FYCO1: variants seen among roughly 807,000 people sequenced by gnomAD.
The protein encoded by FYCO1 is FYVE and coiled-coil domain-containing protein 1.
A neutral mutation model predicts 165.1 loss-of-function variants in FYCO1; 122 were observed. That is an observed-to-expected ratio of 0.74 (90% CI 0.64 to 0.86). The LOEUF is 0.86. Ranked by LOEUF, FYCO1 falls within the 40% of genes least tolerant of loss-of-function variation. The pLI is 0.00. For synonymous variants in FYCO1, 648 were observed against 742.5 expected (o/e 0.87, Z 2.07); for missense variants, 1,702 against 1,810.3 (o/e 0.94, Z 1.09).
At position 45,966,243 on chromosome 3, in the gene FYCO1, G is replaced by A. The variant is rs375746676; in HGVS notation, c.3057+34C>T. On this transcript the variant is annotated intron_variant, in intron 8 of 17. Coordinates refer to ENST00000296137, the MANE Select transcript of FYCO1 (RefSeq NM_024513.4). ...GACCCACCAGGCCTGCCCAGGGAGA[G>A]GGGTAGAGCCCAAGTGGTTGAAGCT... 782 of 1,607,874 alleles carry A rather than the reference G, an allele frequency of 4.9e-4. 10 individuals are homozygous for A. The South Asian group carries it at 8.0e-3, about 16-fold the overall frequency.
chr3:45,969,199 T>C (rs550676947), intron 7 of FYCO1, among the ~76,000 whole-genome samples: 2 of 152,228 alleles, frequency 1.3e-5, no homozygotes, highest in South Asian at 4.1e-4. Flanking sequence ...TTCACATTTC[T>C]AAAAAAAATT....
rs1453437203 is a variant in FYCO1, at chr3:45,973,250, A to G, written c.396-19T>C. On this transcript the variant is annotated intron_variant, in intron 5 of 17. Transcript: ENST00000296137. ...CCAGTCACTGCAGAAAAACATGTCA[A>G]TTATAAGAGTAATAAAGATAAAGTA... is the stretch of plus-strand genomic sequence containing the variant. The G allele has an allele frequency of 4.3e-6, 7 of 1,612,716 alleles. No individual in the cohort carries two copies. The South Asian group carries it at 4.4e-5, about 10-fold the overall frequency.
intron 1 of FYCO1, among the ~76,000 whole-genome samples, chr3:45,990,561 A>T (rs150675568): frequency 6.6e-6 from 1 of 152,060 alleles, no homozygotes; most frequent in Admixed American, 6.5e-5. Context: ...TTGAATCTCT[A>T]TTCTTTCCAC....
chr3:45,952,691 G>A (rs914342146), intron 14 of FYCO1, among the ~76,000 whole-genome samples: 4 of 151,678 alleles, frequency 2.6e-5, no homozygotes, highest in African/African-American at 7.2e-5. Context: ...GTTCCTACTG[G>A]GCAGGGGAAG....
At chr3:45,933,858 C>CA (rs901326469) in intron 15 of FYCO1, among the ~76,000 whole-genome samples, 4 of 151,002 alleles carry the variant, frequency 2.6e-5, no homozygotes, top group Admixed American at 6.6e-5. Context: ...AAGCAGCCAT[C>CA]AAAAAAAATG....
intron 1 of FYCO1, among the ~76,000 whole-genome samples, chr3:45,986,880 C>T (rs918059169): frequency 1.3e-4 from 20 of 152,166 alleles, no homozygotes; most frequent in Admixed American, 7.2e-4. Flanking sequence ...CAGCACATTC[C>T]GTCAAGTGTC....
intron 7 of FYCO1, 84 bp downstream of exon 7, chr3:45,969,591 G>C: frequency 9.5e-7 from 1 of 1,049,958 alleles, no homozygotes; most frequent in Non-Finnish European, 1.5e-6. Context: ...GGGCATCTGA[G>C]AACATCACCC....
At position 45,966,773 on chromosome 3, in the gene FYCO1, GC is replaced by G; in HGVS notation, c.2560del (p.Ala854HisfsTer62). The G allele has an allele frequency of 1.2e-6, 2 of 1,609,860 alleles. No individual in the cohort carries two copies. The highest frequency in any genetic ancestry group is 1.7e-6 in the Non-Finnish European group (2 of 1,179,982). ...ELLQCSEREG[A>X]LQEERADEAQ... ...CTCATCGGCCCTCTCCTCCTGCAGT[GC>G]CCCTTCACGCTCCGAGCATTGCAGC... On this transcript the variant is annotated frameshift_variant, in exon 8 of 18. Transcript: ENST00000296137. LOFTEE classifies it high-confidence loss of function.
intron 3 of FYCO1, among the ~76,000 whole-genome samples, chr3:45,981,011 C>T (rs1707022413): frequency 6.6e-6 from 1 of 152,086 alleles, no homozygotes; most frequent in Non-Finnish European, 1.5e-5. Flanking sequence ...TGGGCTGACC[C>T]CAGAGATTCT....
In FYCO1 at chr3:45,968,053, T is replaced by C; in HGVS notation, c.1281A>G (p.Gln427=). ...VEEVNRQQSA[Q]LEQLVKELQL... ...GAAGCTCCTTGACCAGCTGTTCCAGTTGGGCACTCTGCTGTCTGTTGACCT... is the reference window on the plus strand; with the variant it reads ...GAAGCTCCTTGACCAGCTGTTCCAGCTGGGCACTCTGCTGTCTGTTGACCT... Residue 427 remains glutamine, a synonymous_variant, in exon 8 of 18, where the codon CAA becomes CAG. Coordinates refer to ENST00000296137, the MANE Select transcript of FYCO1 (RefSeq NM_024513.4). The C allele has an allele frequency of 1.2e-6, 2 of 1,614,124 alleles. No individual in the cohort carries two copies. Among genetic ancestry groups the C allele is most frequent in the East Asian group, 2.2e-5 (1 of 44,866 alleles).
intron 4 of FYCO1, among the ~76,000 whole-genome samples, chr3:45,977,591 TA>T (rs1370728083): frequency 6.6e-6 from 1 of 151,620 alleles, no homozygotes; most frequent in Non-Finnish European, 1.5e-5. Flanking sequence ...AGAGAAGCAA[TA>T]CAATGGCAGC....
Position 45,950,869 on chromosome 3 carries a change from C to T in FYCO1, c.3944+4380G>A, listed in dbSNP as rs148913435. Reference sequence around the variant, plus strand: ...GGCAGAGATCTTGGGTCAACCCACGCGCAAGGTGGCTTTGTAACCTTAACC... The same window carrying T: ...GGCAGAGATCTTGGGTCAACCCACGTGCAAGGTGGCTTTGTAACCTTAACC... On this transcript the variant is annotated intron_variant, in intron 14 of 17. Coordinates refer to ENST00000296137, the MANE Select transcript of FYCO1 (RefSeq NM_024513.4). Among the ~76,000 whole-genome samples, 1,061 of 152,256 alleles carry T rather than the reference C, an allele frequency of 7.0e-3. 13 individuals are homozygous for T. The highest frequency in any genetic ancestry group is 0.023 in the African/African-American group (976 of 41,540).
chr3:45,931,009 A>G lies in FYCO1; in HGVS notation c.4251+62T>C, dbSNP rs1703578656. Reference sequence around the variant, plus strand: ...GATGGCCACTGCCCTGCTTTGAGAAAGGCCTGCCCAAGTACCCAGATGTGT... The same window carrying G: ...GATGGCCACTGCCCTGCTTTGAGAAGGGCCTGCCCAAGTACCCAGATGTGT... On this transcript the variant is annotated intron_variant, in intron 16 of 17. Transcript: ENST00000296137. The G allele has an allele frequency of 2.7e-6, 4 of 1,500,834 alleles. No homozygotes were observed. The South Asian group carries it at 3.5e-5, about 13-fold the overall frequency. 93.0% of individuals were successfully genotyped at this position (1,500,834 alleles called of 1,614,324 possible). A position where few individuals can be genotyped will look rare whatever the true frequency, so the allele number is the denominator to read the frequency against.
At position 45,979,813 on chromosome 3, in the gene FYCO1, C is replaced by T. The variant is rs766820134; in HGVS notation, c.180G>A (p.Lys60=). Residue 60 remains lysine (K), a synonymous_variant, in exon 4 of 18, where the codon AAG becomes AAA. Coordinates refer to ENST00000296137, the MANE Select transcript of FYCO1 (RefSeq NM_024513.4). ...CCTTCTTGTTGCCCAGGAGGGTGGCCTTCTCTTTCTGATCAAACTGGGTAG... is the reference window on the plus strand; with the variant it reads ...CCTTCTTGTTGCCCAGGAGGGTGGCTTTCTCTTTCTGATCAAACTGGGTAG... ...EYLLQFDQKE[K]ATLLGNKKDY... 1.9e-6 allele frequency: 3 copies of T among 1,613,968 alleles called. No individual in the cohort carries two copies. Among genetic ancestry groups the T allele is most frequent in the Non-Finnish European group, 1.7e-6 (2 of 1,179,918 alleles).
intron 16 of FYCO1, among the ~76,000 whole-genome samples, chr3:45,928,248 T>C (rs985958075): frequency 6.6e-6 from 1 of 152,236 alleles, no homozygotes; most frequent in Non-Finnish European, 1.5e-5. Context: ...TCAATAAAGC[T>C]GTTTTAAAAA....
intron 1 of FYCO1, among the ~76,000 whole-genome samples, chr3:45,995,183 G>GT (rs1005509537): frequency 8.3e-4 from 127 of 152,316 alleles, no homozygotes; most frequent in African/African-American, 2.8e-3. Flanking sequence ...ACAAGGGGCA[G>GT]TGGATAGTGA....
At chr3:45,970,878 T>C (rs1575375475) in intron 6 of FYCO1, among the ~76,000 whole-genome samples, 1 of 149,642 alleles carries the variant, frequency 6.7e-6, no homozygotes, top group Non-Finnish European at 1.5e-5. Flanking sequence ...ATTTACAAAA[T>C]AAAACTATAT....
Position 45,962,251 on chromosome 3 carries a change from G to A in FYCO1, c.3411C>T (p.Leu1137=), listed in dbSNP as rs367689290. Reference sequence around the variant, plus strand: ...TGAGCAGCTCTATCAGCCGCTCCTCGAGATACTTCTTGGTTCTGTTGAGGT... The same window carrying A: ...TGAGCAGCTCTATCAGCCGCTCCTCAAGATACTTCTTGGTTCTGTTGAGGT... ...LDDLNRTKKY[L]EERLIELLRD... is the part of the protein sequence containing the mutation. Residue 1137 remains leucine, a synonymous_variant, in exon 11 of 18, where the codon CTC becomes CTT. Coordinates refer to ENST00000296137, the MANE Select transcript of FYCO1 (RefSeq NM_024513.4). The surrounding 1 kb of genome is among the most constrained non-coding windows in gnomAD (Gnocchi z 4.4). The A allele has an allele frequency of 8.7e-6, 14 of 1,614,112 alleles. No homozygotes were observed. The highest frequency in any genetic ancestry group is 3.3e-5 in the South Asian group (3 of 91,088).
chr3:45,979,799 C>T lies in FYCO1; in HGVS notation c.194G>A (p.Gly65Asp), dbSNP rs1706956400. The T allele has an allele frequency of 6.2e-7, 1 of 1,613,864 alleles. No homozygotes were observed. The highest frequency in any genetic ancestry group is 8.5e-7 in the Non-Finnish European group (1 of 1,179,934). ...FDQKEKATLLGNKKDYWDYFC... is the reference protein window; with the variant it reads ...FDQKEKATLLDNKKDYWDYFC... Reference sequence around the variant, plus strand: ...GTAATCCCAGTAGTCCTTCTTGTTGCCCAGGAGGGTGGCCTTCTCTTTCTG... The same window carrying T: ...GTAATCCCAGTAGTCCTTCTTGTTGTCCAGGAGGGTGGCCTTCTCTTTCTG... The change falls in exon 4 of 18, where the codon GGC (glycine) becomes GAC (aspartate). Residue 65 changes from glycine to aspartate, a missense_variant. Gly to Asp is a moderately conservative substitution (Grantham distance 94). Transcript: ENST00000296137.
Sources: gnomAD v4.1 joint callset for allele counts (sites outside exome capture counted in the v4.1 genomes callset) on GRCh38, gnomAD v4.1.1 for gene constraint, Gnocchi (gnomAD v3.1) non-coding constraint, MANE v1.5 for transcripts, NCBI Gene and HGNC (gene_info 2026-07-23, HGNC 2026-07-21) for gene names.